Variants in TAFA2 observed in about 807,000 individuals in gnomAD.
The protein encoded by TAFA2 is chemokine-like protein TAFA-2.
Under a neutral mutation model 18.8 loss-of-function variants are expected in TAFA2, and 7 were observed. That is an observed-to-expected ratio of 0.37 (90% confidence interval 0.21 to 0.70). The LOEUF is 0.70. Ranked by LOEUF, TAFA2 falls within the 30% of genes least tolerant of loss-of-function variation. TAFA2 has a pLI of 0.53. For synonymous variants in TAFA2, 60 were observed against 54.2 expected (o/e 1.11, Z -0.47); for missense variants, 122 against 158.1 (o/e 0.77, Z 1.23).
At chr12:61,722,762 C>A (rs1214670907) in intron 4 of TAFA2, among the ~76,000 whole-genome samples, 2 of 152,028 alleles carry the variant, frequency 1.3e-5, no homozygotes, top group Non-Finnish European at 2.9e-5. Context: ...TTCTAATCAT[C>A]TTTCTAATCT....
intron 1 of TAFA2, among the ~76,000 whole-genome samples, chr12:62,066,126 C>CAT (rs1555187369): frequency 4.1e-5 from 6 of 145,574 alleles, no homozygotes; most frequent in South Asian, 2.2e-4. Context: ...CTGAAACAGC[C>CAT]GTGTGTGTGT....
intron 1 of TAFA2, among the ~76,000 whole-genome samples, chr12:62,064,154 G>T (rs1033377079): frequency 2.6e-5 from 4 of 151,848 alleles, no homozygotes; most frequent in African/African-American, 9.7e-5. Flanking sequence ...TGACAGCGCT[G>T]GAATTTTACA....
intron 2 of TAFA2, among the ~76,000 whole-genome samples, chr12:61,853,592 G>A (rs564351194): frequency 6.6e-6 from 1 of 152,124 alleles, no homozygotes; most frequent in African/African-American, 2.4e-5. Context: ...GAAGCATCAC[G>A]TCCATCCTGG....
intron 2 of TAFA2, among the ~76,000 whole-genome samples, chr12:61,798,860 G>C (rs1871292339): frequency 6.6e-6 from 1 of 152,160 alleles, no homozygotes; most frequent in Admixed American, 6.5e-5. Flanking sequence ...ATGTTCTATA[G>C]AATGTTATCT....
At chr12:62,152,128 A>G (rs540377060) in intron 1 of TAFA2, among the ~76,000 whole-genome samples, 5 of 152,220 alleles carry the variant, frequency 3.3e-5, no homozygotes, top group Non-Finnish European at 7.3e-5. Flanking sequence ...AACTCTATCT[A>G]GAGGAGAAAA....
chr12:61,949,454 T>C (rs1207896164), intron 1 of TAFA2, among the ~76,000 whole-genome samples: 1 of 152,036 alleles, frequency 6.6e-6, no homozygotes, highest in Non-Finnish European at 1.5e-5. Context: ...CCAGTACCTA[T>C]TATAATGACC....
At chr12:61,879,040 T>G (rs142846934) in intron 1 of TAFA2, among the ~76,000 whole-genome samples, 1 of 152,102 alleles carries the variant, frequency 6.6e-6, no homozygotes, top group Non-Finnish European at 1.5e-5. Flanking sequence ...CCAGGCACAG[T>G]GGTTCATGCT....
At chr12:62,106,234 T>C (rs1412128417) in intron 1 of TAFA2, among the ~76,000 whole-genome samples, 4 of 151,754 alleles carry the variant, frequency 2.6e-5, no homozygotes, top group Non-Finnish European at 5.9e-5. Flanking sequence ...CTCAAGAGGC[T>C]GAGGCAGAAA....
chr12:61,724,797 G>GTATATGTGTATACACCAGATGGGTGTATA (rs1192585681), intron 4 of TAFA2, among the ~76,000 whole-genome samples: 5 of 114,070 alleles, frequency 4.4e-5, no homozygotes, highest in African/African-American at 1.9e-4. Context: ...GTGTGTGTGT[G>GTATATGTGTATACACCAGATGGGTGTATA]TGTGTATACA....
chr12:61,711,816 C>T (rs1869421727), intron 4 of TAFA2, among the ~76,000 whole-genome samples: 1 of 151,646 alleles, frequency 6.6e-6, no homozygotes, highest in African/African-American at 2.4e-5. Flanking sequence ...GAAGTTGTGC[C>T]AAGGATGGAG....
intron 1 of TAFA2, among the ~76,000 whole-genome samples, chr12:61,904,056 G>C (rs965166294): frequency 5.3e-5 from 8 of 152,092 alleles, no homozygotes; most frequent in Non-Finnish European, 1.0e-4. Context: ...CTAAGAAACT[G>C]ACACAATATT....
At chr12:61,853,680 T>C (rs1873770302) in intron 2 of TAFA2, among the ~76,000 whole-genome samples, 1 of 152,164 alleles carries the variant, frequency 6.6e-6, no homozygotes, top group Admixed American at 6.5e-5. Flanking sequence ...CTATCCATCA[T>C]TCCACATCAG....
intron 4 of TAFA2, among the ~76,000 whole-genome samples, chr12:61,727,959 C>T (rs1398377156): frequency 6.7e-6 from 1 of 149,862 alleles, no homozygotes; most frequent in Non-Finnish European, 1.5e-5. Flanking sequence ...ATCTGGATTT[C>T]ATTGTTGACC....
intron 1 of TAFA2, among the ~76,000 whole-genome samples, chr12:62,121,353 TC>T (rs1264287998): frequency 6.6e-6 from 1 of 152,182 alleles, no homozygotes; most frequent in Non-Finnish European, 1.5e-5. Context: ...GCGCTTGTAG[TC>T]AGAGACCTCA....
intron 1 of TAFA2, among the ~76,000 whole-genome samples, chr12:62,071,496 C>A (rs542048378): frequency 6.6e-6 from 1 of 152,118 alleles, no homozygotes; most frequent in Non-Finnish European, 1.5e-5. Context: ...ACTCCAAGCA[C>A]TTTGGGAGGC....
intron 1 of TAFA2, among the ~76,000 whole-genome samples, chr12:61,868,884 C>T (rs147229694): frequency 4.8e-4 from 73 of 152,190 alleles, no homozygotes; most frequent in Middle Eastern, 3.4e-3. Flanking sequence ...CTTTACCTGA[C>T]TTTACTTTTT....
At chr12:62,188,338 C>A (rs1252897772) in intron 1 of TAFA2, among the ~76,000 whole-genome samples, 1 of 152,096 alleles carries the variant, frequency 6.6e-6, no homozygotes, top group Non-Finnish European at 1.5e-5. Flanking sequence ...AATGAGGCAT[C>A]CCTAATAAAA....
In TAFA2 at chr12:62,247,651, A is replaced by T. The variant is rs2062893234; in HGVS notation, c.-130+11112T>A. 2.0e-5 allele frequency among the ~76,000 whole-genome samples: 3 copies of T among 152,226 alleles called. No homozygotes were observed. The South Asian group carries it at 6.2e-4, about 31-fold the overall frequency. ...TAACCCTTACGTAGAATGTGACTTCACAGTGATATATTTTTTCCTTTTACC... is the reference window on the plus strand; with the variant it reads ...TAACCCTTACGTAGAATGTGACTTCTCAGTGATATATTTTTTCCTTTTACC... On this transcript the variant is annotated intron_variant, in intron 1 of 5. Coordinates refer to the TAFA2 transcript ENST00000551619.
At chr12:61,832,787 A>G (rs1872766761) in intron 2 of TAFA2, among the ~76,000 whole-genome samples, 1 of 151,864 alleles carries the variant, frequency 6.6e-6, no homozygotes, top group African/African-American at 2.4e-5. Context: ...TTTTTAAGTA[A>G]AAATCCTTAT....
Sources: gnomAD v4.1 joint callset for allele counts (sites outside exome capture counted in the v4.1 genomes callset) on GRCh38, gnomAD v4.1.1 for gene constraint, MANE v1.5 for transcripts, NCBI Gene and HGNC (gene_info 2026-07-23, HGNC 2026-07-21) for gene names.